Variants in SMR3A observed in about 807,000 individuals in gnomAD.
The protein encoded by SMR3A is submaxillary gland androgen regulated protein 3A, also known as submaxillary gland androgen-regulated protein 3A.
For missense variants in SMR3A, 188 were observed against 163.0 expected (o/e 1.15, Z -0.84); for synonymous variants, 48 against 57.4 (o/e 0.84, Z 0.74).
chr4:70,365,186 C>T (rs1412084107), intron 2 of SMR3A, among the ~76,000 whole-genome samples: 2 of 152,004 alleles, frequency 1.3e-5, no homozygotes, highest in African/African-American at 2.4e-5. Flanking sequence ...ATTTTCCTAT[C>T]CAGAACTGAT....
chr4:70,367,027 CA>C lies in SMR3A; in HGVS notation c.*37del. 5.8e-6 allele frequency: 9 copies of C among 1,557,590 alleles called. No homozygotes were observed. The highest frequency in any genetic ancestry group is 8.0e-6 in the Non-Finnish European group (9 of 1,132,044). On this transcript the variant is annotated 3_prime_UTR_variant, in exon 3 of 3. Transcript: ENST00000226460. Reference sequence around the variant, plus strand: ...CAACTGCAACAGGTGCCACCACCCACAAAAGACAACACTACCCTCGTAACTA... The same window carrying C: ...CAACTGCAACAGGTGCCACCACCCACAAAGACAACACTACCCTCGTAACTA...
chr4:70,360,962 G>A (rs771704670), intron 1 of SMR3A, 120 bp downstream of exon 1: 15 of 151,764 alleles, frequency 9.9e-5, no homozygotes, highest in African/African-American at 2.9e-4. Context: ...ATTGTAAGTC[G>A]TTAAACATAT....
Position 70,361,814 on chromosome 4 carries a change from A to G in SMR3A, c.-14-288A>G, listed in dbSNP as rs187784272. ...ACCTCTAAAGGCAAAAACTGTAGTTACAAAAGCTTCTATTGTTCAATCATT... is the reference window on the plus strand; with the variant it reads ...ACCTCTAAAGGCAAAAACTGTAGTTGCAAAAGCTTCTATTGTTCAATCATT... On this transcript the variant is annotated intron_variant, in intron 1 of 2. Coordinates refer to ENST00000226460, the MANE Select transcript of SMR3A (RefSeq NM_012390.4). Among the ~76,000 whole-genome samples the G allele has an allele frequency of 2.6e-5, 4 of 152,060 alleles. No individual in the cohort carries two copies. In the East Asian group the frequency reaches 7.7e-4, roughly 29 times the overall value.
At chr4:70,365,424 G>T (rs1023059673) in intron 2 of SMR3A, among the ~76,000 whole-genome samples, 1 of 151,930 alleles carries the variant, frequency 6.6e-6, no homozygotes, top group African/African-American at 2.4e-5. Context: ...AACCAGACCT[G>T]AGATAAGCAC....
In SMR3A at chr4:70,366,830, C is replaced by T. The variant is rs1732275258; in HGVS notation, c.241C>T (p.Pro81Ser). Residue 81 changes from proline to serine, a missense_variant, in exon 3 of 3, where the codon CCT becomes TCT. By Grantham distance (74) the Pro-to-Ser change is moderately conservative (BLOSUM62 -1). Transcript: ENST00000226460. ...YGPGRIPPSP[P>S]PPYGPGRIQS... ...TCCAGGGAGAATCCCACCATCCCCT[C>T]CTCCACCCTATGGTCCAGGGAGAAT... The T allele has an allele frequency of 1.9e-6, 3 of 1,613,632 alleles. No individual in the cohort carries two copies.
chr4:70,363,821 G>A (rs912703896), intron 2 of SMR3A, among the ~76,000 whole-genome samples: 1 of 152,008 alleles, frequency 6.6e-6, no homozygotes, highest in African/African-American at 2.4e-5. Flanking sequence ...ATAAAAATGT[G>A]TGAAATATTT....
chr4:70,365,724 G>C (rs1732246583), intron 2 of SMR3A, among the ~76,000 whole-genome samples: 1 of 152,022 alleles, frequency 6.6e-6, no homozygotes, highest in Admixed American at 6.6e-5. Flanking sequence ...CAAACTGCCA[G>C]GTTGACATTC....
intron 1 of SMR3A, 59 bp downstream of exon 1, chr4:70,360,901 T>C (rs1431795222): frequency 6.6e-6 from 1 of 151,932 alleles, no homozygotes; most frequent in African/African-American, 2.4e-5. Flanking sequence ...ATGAGCTTTT[T>C]ATAGGACATT....
intron 2 of SMR3A, among the ~76,000 whole-genome samples, chr4:70,364,682 G>A (rs938915304): frequency 6.6e-6 from 1 of 151,910 alleles, no homozygotes. Flanking sequence ...AGTTTGGTGG[G>A]GGTAGATGAG....
intron 1 of SMR3A, 98 bp from the exon 2 acceptor site, chr4:70,362,004 T>C (rs1732156118): frequency 1.3e-6 from 2 of 1,558,992 alleles, no homozygotes; most frequent in Non-Finnish European, 1.7e-6. Flanking sequence ...GCTACAGTAG[T>C]ATATCTGTAC....
chr4:70,361,668 T>C (rs1300750658), intron 1 of SMR3A, among the ~76,000 whole-genome samples: 1 of 151,864 alleles, frequency 6.6e-6, no homozygotes, highest in East Asian at 1.9e-4. Flanking sequence ...CACTAACATA[T>C]GATCTAGTTA....
rs1577870861 is a variant in SMR3A, at chr4:70,367,109, A to T, written c.*115A>T. 6.9e-6 allele frequency: 6 copies of T among 867,040 alleles called. No homozygotes were observed. The highest frequency in any genetic ancestry group is 8.9e-6 in the Non-Finnish European group (5 of 564,864). The allele number at this position is 867,040 out of a possible 1,614,324, so 53.7% of individuals were successfully genotyped here. ...AACACTACTTCCAAGAGACTTTTAG[A>T]TAAAATCACTTCCATTTTTGGATGA... On this transcript the variant is annotated 3_prime_UTR_variant, in exon 3 of 3. Coordinates refer to ENST00000226460, the MANE Select transcript of SMR3A (RefSeq NM_012390.4).
rs1309440921 is a variant in SMR3A at position 70,366,801 on chromosome 4, A to G, written c.212A>G (p.Tyr71Cys). 14 of 1,612,566 alleles carry G rather than the reference A, an allele frequency of 8.7e-6. No homozygotes were observed. In the East Asian group the frequency reaches 8.9e-5, roughly 10 times the overall value. The stretch of plus-strand genomic sequence containing the variant: ...TTTCCACCACCCCTTTCTCCACCCT[A>G]TGGTCCAGGGAGAATCCCACCATCC... ...GRFPPPLSPP[Y>C]GPGRIPPSPP... The change falls in exon 3 of 3, where the codon TAT becomes TGT. Residue 71 changes from tyrosine (Y) to cysteine (C), a missense_variant. Physicochemically the swap from Tyr to Cys is radical, Grantham distance 194 (BLOSUM62 -2). Transcript: ENST00000226460.
At chr4:70,361,992 A>G (rs1348208899) in intron 1 of SMR3A, 110 bp from the exon 2 acceptor site, 24 of 1,479,616 alleles carry the variant, frequency 1.6e-5, no homozygotes, top group Admixed American at 2.3e-5. Context: ...TTTCCTAAAA[A>G]GGCTACAGTA....
intron 2 of SMR3A, among the ~76,000 whole-genome samples, chr4:70,363,376 T>A (rs1732189572): frequency 6.6e-6 from 1 of 151,940 alleles, no homozygotes; most frequent in African/African-American, 2.4e-5. Context: ...ATGGGGTAAG[T>A]CATCATATTC....
intron 2 of SMR3A, among the ~76,000 whole-genome samples, chr4:70,365,627 T>C (rs1296106893): frequency 6.6e-6 from 1 of 152,014 alleles, no homozygotes; most frequent in African/African-American, 2.4e-5. Flanking sequence ...TTCCATTCAT[T>C]TCACTTCCCT....
intron 1 of SMR3A, among the ~76,000 whole-genome samples, chr4:70,361,537 A>C (rs963470812): frequency 3.3e-5 from 5 of 151,898 alleles, no homozygotes; most frequent in African/African-American, 4.8e-5. Flanking sequence ...CACAGACTAA[A>C]TTAATTTAGT....
chr4:70,366,798 C>G lies in SMR3A; in HGVS notation c.209C>G (p.Pro70Arg). ...PGRFPPPLSP[P>R]YGPGRIPPSP... The stretch of plus-strand genomic sequence containing the variant: ...AGATTTCCACCACCCCTTTCTCCAC[C>G]CTATGGTCCAGGGAGAATCCCACCA... The change falls in exon 3 of 3, where the codon CCC becomes CGC. Residue 70 changes from proline to arginine, a missense_variant. By Grantham distance (103) the Pro-to-Arg change is moderately radical (BLOSUM62 -2). Transcript: ENST00000226460. The G allele has an allele frequency of 6.2e-7, 1 of 1,613,508 alleles. No individual in the cohort carries two copies. Among genetic ancestry groups the G allele is most frequent in the Non-Finnish European group, 8.5e-7 (1 of 1,179,752 alleles).
chr4:70,363,503 A>G (rs1732192402), intron 2 of SMR3A, among the ~76,000 whole-genome samples: 1 of 152,046 alleles, frequency 6.6e-6, no homozygotes, highest in African/African-American at 2.4e-5. Flanking sequence ...TCACTAAAAT[A>G]CAAATAAATT....
Sources: gnomAD v4.1 joint callset for allele counts (sites outside exome capture counted in the v4.1 genomes callset) on GRCh38, gnomAD v4.1.1 for gene constraint, MANE v1.5 for transcripts, NCBI Gene and HGNC (gene_info 2026-07-23, HGNC 2026-07-21) for gene names.